Variants in MAPRE2 observed in about 807,000 individuals in gnomAD.
MAPRE2 encodes microtubule associated protein RP/EB family member 2, also known as microtubule-associated protein RP/EB family member 2.
In MAPRE2, 13 loss-of-function variants were observed where a neutral mutation model predicts 43.2. The ratio of observed to expected loss-of-function variants is 0.30; its 90% CI spans 0.20 to 0.48. The LOEUF (loss-of-function observed/expected upper bound fraction) is 0.48, where lower values mean the gene tolerates loss of function less well. MAPRE2 is among the 20% of genes least tolerant of loss of function. The probability of loss-of-function intolerance (pLI) is 0.99; values close to 1 mark genes in which losing one functional copy is unlikely to be tolerated. For synonymous variants in MAPRE2, 135 were observed against 148.8 expected (o/e 0.91, Z 0.68); for missense variants, 161 against 400.2 (o/e 0.40, Z 5.10).
intron 2 of MAPRE2, among the ~76,000 whole-genome samples, chr18:35,089,674 C>A (rs117487982): frequency 0.018 from 2,765 of 152,258 alleles, 39 homozygotes; most frequent in Admixed American, 0.027. Flanking sequence ...ATGTGGAGCC[C>A]TCATCTGTTG....
At position 34,998,395 on chromosome 18, in the gene MAPRE2, C is replaced by T. The variant is rs1456274948; in HGVS notation, c.-69-7097C>T. Among the ~76,000 whole-genome samples the T allele has an allele frequency of 3.4e-5, 5 of 148,018 alleles. No individual in the cohort carries two copies. The East Asian group carries it at 6.0e-4, about 18-fold the overall frequency. On this transcript the variant is annotated intron_variant, in intron 1 of 7. Transcript: ENST00000413393. ...AGGCTGGAGTGCAGTGGCGCCATCT[C>T]GGCTCACTGCAAGCTCTGCCTCCCA...
chr18:35,140,485 C>T lies in MAPRE2; in HGVS notation c.*116C>T. On this transcript the variant is annotated 3_prime_UTR_variant, in exon 7 of 7. Coordinates refer to ENST00000300249, the MANE Select transcript of MAPRE2 (RefSeq NM_014268.4). Reference sequence around the variant, plus strand: ...CCAGTTGTTCCCAATCTGCCGTTACCATCAACGCACTGTTGCATATGCCAG... The same window carrying T: ...CCAGTTGTTCCCAATCTGCCGTTACTATCAACGCACTGTTGCATATGCCAG... 2 of 993,374 alleles carry T rather than the reference C, an allele frequency of 2.0e-6. No homozygotes were observed. Among genetic ancestry groups the T allele is most frequent in the Non-Finnish European group, 1.5e-6 (1 of 667,146 alleles). 61.5% of individuals were successfully genotyped at this position (993,374 alleles called of 1,614,324 possible).
At chr18:35,003,408 T>C (rs1369502524) in intron 1 of MAPRE2, among the ~76,000 whole-genome samples, 1 of 152,236 alleles carries the variant, frequency 6.6e-6, no homozygotes, top group Non-Finnish European at 1.5e-5. Context: ...TTGGGCAAAT[T>C]GCCCCACTAC....
At chr18:34,986,696 G>C (rs1170862416) in intron 1 of MAPRE2, among the ~76,000 whole-genome samples, 1 of 152,184 alleles carries the variant, frequency 6.6e-6, no homozygotes, top group Non-Finnish European at 1.5e-5. Flanking sequence ...AACTCGGTCA[G>C]TGGGTCTGTT....
At chr18:35,098,317 A>G (rs746917666) in intron 3 of MAPRE2, among the ~76,000 whole-genome samples, 7 of 152,216 alleles carry the variant, frequency 4.6e-5, no homozygotes, top group Non-Finnish European at 1.0e-4. Context: ...TGAATTTTGA[A>G]TAAGGGAAAA....
chr18:35,032,417 C>A (rs924243692), intron 2 of MAPRE2, among the ~76,000 whole-genome samples: 2 of 152,138 alleles, frequency 1.3e-5, no homozygotes, highest in African/African-American at 2.4e-5. Context: ...CTAGGGAATT[C>A]ATGTCTTCTC....
intron 6 of MAPRE2, among the ~76,000 whole-genome samples, chr18:35,133,137 C>T (rs935215083): frequency 2.5e-4 from 38 of 152,218 alleles, no homozygotes; most frequent in African/African-American, 9.2e-4. Flanking sequence ...AGCAAGTTTA[C>T]TCTCTTATTC....
At chr18:34,997,424 T>C (rs1190509100) in intron 1 of MAPRE2, among the ~76,000 whole-genome samples, 1 of 152,134 alleles carries the variant, frequency 6.6e-6, no homozygotes, top group African/African-American at 2.4e-5. Flanking sequence ...ACTCTTCAAC[T>C]TGGTACCACA....
In MAPRE2 at chr18:35,140,474, T is replaced by A. The variant is rs1910584685; in HGVS notation, c.*105T>A. On this transcript the variant is annotated 3_prime_UTR_variant, in exon 7 of 7. Transcript: ENST00000300249. Reference sequence around the variant, plus strand: ...CTCAACAGAAACCAGTTGTTCCCAATCTGCCGTTACCATCAACGCACTGTT... The same window carrying A: ...CTCAACAGAAACCAGTTGTTCCCAAACTGCCGTTACCATCAACGCACTGTT... 5.4e-6 allele frequency: 6 copies of A among 1,115,386 alleles called. No individual in the cohort carries two copies. The highest frequency in any genetic ancestry group is 1.6e-5 in the African/African-American group (1 of 64,478). The allele number at this position is 1,115,386 out of a possible 1,614,324, so 69.1% of individuals were successfully genotyped here. A position where few individuals can be genotyped will look rare whatever the true frequency, so the allele number is the denominator to read the frequency against.
At chr18:35,101,901 C>A in intron 3 of MAPRE2, 45 bp from the exon 4 acceptor site, 2 of 1,426,288 alleles carry the variant, frequency 1.4e-6, no homozygotes, top group Non-Finnish European at 1.9e-6. Context: ...TGGGTATATA[C>A]CCAAACGTGA....
intron 2 of MAPRE2, among the ~76,000 whole-genome samples, chr18:35,090,805 T>C (rs1197245268): frequency 6.6e-6 from 1 of 151,798 alleles, no homozygotes; most frequent in Non-Finnish European, 1.5e-5. Context: ...AGCATGATTA[T>C]GTATTTATAT....
At chr18:35,086,074 G>T (rs1035689379) in intron 2 of MAPRE2, among the ~76,000 whole-genome samples, 2 of 152,114 alleles carry the variant, frequency 1.3e-5, no homozygotes, top group African/African-American at 2.4e-5. Context: ...AAAGTGAAAA[G>T]TTGTAACTAA....
intron 1 of MAPRE2, among the ~76,000 whole-genome samples, chr18:34,977,307 C>A (rs574498351): frequency 2.6e-5 from 4 of 152,300 alleles, no homozygotes; most frequent in African/African-American, 9.6e-5. Context: ...TCCCGCGGGC[C>A]ACATCTCTGG....
intron 2 of MAPRE2, among the ~76,000 whole-genome samples, chr18:35,008,602 C>G (rs544550700): frequency 3.3e-5 from 5 of 152,106 alleles, no homozygotes; most frequent in Admixed American, 2.0e-4. Context: ...TATCAACATG[C>G]CATAGTATGT....
At chr18:35,018,959 T>C (rs946023821) in intron 2 of MAPRE2, among the ~76,000 whole-genome samples, 1 of 152,050 alleles carries the variant, frequency 6.6e-6, no homozygotes, top group Non-Finnish European at 1.5e-5. Context: ...CATTTAGCAC[T>C]ATAGACTTTC....
chr18:35,129,203 A>G (rs1186306135), intron 5 of MAPRE2, among the ~76,000 whole-genome samples: 1 of 152,128 alleles, frequency 6.6e-6, no homozygotes, highest in Non-Finnish European at 1.5e-5. Context: ...GAGTCCTTCA[A>G]TCAGTATTAC....
At chr18:35,028,356 C>A (rs1770742243) in intron 2 of MAPRE2, among the ~76,000 whole-genome samples, 1 of 152,180 alleles carries the variant, frequency 6.6e-6, no homozygotes, top group Admixed American at 6.5e-5. Context: ...CAAGGTTACA[C>A]AACTTGTAAG....
intron 4 of MAPRE2, among the ~76,000 whole-genome samples, chr18:35,106,321 C>G (rs1908903086): frequency 6.7e-6 from 1 of 150,106 alleles, no homozygotes. Context: ...TTTATCTCTC[C>G]CCCAAAATTT....
intron 6 of MAPRE2, among the ~76,000 whole-genome samples, chr18:35,134,752 C>T (rs1057230900): frequency 6.6e-6 from 1 of 152,180 alleles, no homozygotes; most frequent in Non-Finnish European, 1.5e-5. Flanking sequence ...TGATTTTCAC[C>T]TTCGAAAGCC....
Sources: gnomAD v4.1 joint callset for allele counts (sites outside exome capture counted in the v4.1 genomes callset) on GRCh38, gnomAD v4.1.1 for gene constraint, MANE v1.5 for transcripts, NCBI Gene and HGNC (gene_info 2026-07-23, HGNC 2026-07-21) for gene names.